Variants in PAM observed in about 807,000 individuals in gnomAD.
The protein encoded by PAM is peptidylglycine alpha-amidating monooxygenase.
A neutral mutation model predicts 122.1 loss-of-function variants in PAM; 72 were observed. The ratio of observed to expected loss-of-function variants is 0.59; its 90% CI spans 0.49 to 0.72. PAM has a LOEUF of 0.72. Among genes scored for constraint, PAM ranks in the 30% least tolerant of loss-of-function variants. The pLI, the probability that PAM is intolerant of heterozygous loss-of-function variation, is 0.00. For synonymous variants in PAM, 389 were observed against 404.4 expected (o/e 0.96, Z 0.46); for missense variants, 1,106 against 1,183.7 (o/e 0.93, Z 0.96).
rs139967351 is a variant in PAM at position 103,015,852 on chromosome 5, T to G, written c.2332-1482T>G. 5.4e-4 allele frequency among the ~76,000 whole-genome samples: 83 copies of G among 152,316 alleles called. No homozygotes were observed. The East Asian group carries it at 0.011, about 21-fold the overall frequency. On this transcript the variant is annotated intron_variant, in intron 21 of 25. Transcript: ENST00000438793. ...CCTTGAATTTATGACATATTGTGAT[T>G]TATTTAAAGCAAAGTTCTTAGCCAG...
intron 1 of PAM, among the ~76,000 whole-genome samples, chr5:102,795,851 C>T (rs1001732882): frequency 6.6e-6 from 1 of 152,180 alleles, no homozygotes; most frequent in Non-Finnish European, 1.5e-5. Context: ...TCTTTTCCAA[C>T]CTCATTATCA....
intron 1 of PAM, among the ~76,000 whole-genome samples, chr5:102,825,772 G>A (rs925525108): frequency 5.3e-5 from 8 of 152,128 alleles, no homozygotes; most frequent in East Asian, 1.9e-4. Flanking sequence ...GCTTGAGCCC[G>A]GAAGTTAAAG....
intron 1 of PAM, among the ~76,000 whole-genome samples, chr5:102,769,873 T>C (rs1389080430): frequency 6.6e-6 from 1 of 152,164 alleles, no homozygotes; most frequent in African/African-American, 2.4e-5. Flanking sequence ...GGATTTTTTT[T>C]CTCACTTCTA....
intron 1 of PAM, among the ~76,000 whole-genome samples, chr5:102,816,858 T>G (rs1410972344): frequency 2.0e-5 from 3 of 152,178 alleles, no homozygotes; most frequent in Non-Finnish European, 4.4e-5. Flanking sequence ...TAAATTCATA[T>G]TGCTGATTTG....
chr5:102,769,200 G>A (rs550716502), intron 1 of PAM, among the ~76,000 whole-genome samples: 1 of 152,032 alleles, frequency 6.6e-6, no homozygotes, highest in African/African-American at 2.4e-5. Flanking sequence ...TGGATTATCA[G>A]ATTTTTTTTT....
intron 1 of PAM, among the ~76,000 whole-genome samples, chr5:102,794,919 G>A (rs1271894148): frequency 6.6e-6 from 1 of 151,606 alleles, no homozygotes; most frequent in Non-Finnish European, 1.5e-5. Context: ...GCCAGGTGCG[G>A]TGGCTCACAC....
At chr5:102,875,467 T>A (rs1788867086) in intron 3 of PAM, among the ~76,000 whole-genome samples, 2 of 152,198 alleles carry the variant, frequency 1.3e-5, no homozygotes, top group South Asian at 2.1e-4. Flanking sequence ...GTGCTGGGAT[T>A]ACAGGTGTGG....
chr5:102,974,701 T>A (rs1448564008), intron 15 of PAM: 1 of 303,102 alleles, frequency 3.3e-6, no homozygotes, highest in African/African-American at 2.2e-5. Flanking sequence ...TTTGGATCAT[T>A]TGGGGAAAGG....
In PAM at chr5:102,926,668, G is replaced by A. The variant is rs767784777; in HGVS notation, c.526G>A (p.Asp176Asn). 5.2e-6 allele frequency: 8 copies of A among 1,542,204 alleles called. No individual in the cohort carries two copies. The highest frequency in any genetic ancestry group is 7.2e-6 in the Non-Finnish European group (8 of 1,115,410). ...CTATGGGGATATTAGTGCTTTTAGA[G>A]GTAAGTTTTGAAGTGTTGGAACTAA... ...VHYGDISAFR[D>N]NNKDCSGVSL... The change falls in exon 7 of 26, where the codon GAT becomes AAT. Residue 176 changes from aspartate (D) to asparagine (N), a missense_variant and splice_region_variant. Transcript: ENST00000438793.
At chr5:102,879,923 T>C (rs1790425614) in intron 3 of PAM, among the ~76,000 whole-genome samples, 1 of 152,156 alleles carries the variant, frequency 6.6e-6, no homozygotes, top group African/African-American at 2.4e-5. Flanking sequence ...GTAAGTACAC[T>C]CTGATGTTTG....
chr5:102,757,556 A>C (rs77947338), intron 1 of PAM, among the ~76,000 whole-genome samples: 4,365 of 152,304 alleles, frequency 0.029, 109 homozygotes, highest in East Asian at 0.13. Flanking sequence ...AAGCTATAGA[A>C]ATTTTAATTC....
chr5:102,846,587 C>G (rs1253529759), intron 1 of PAM, among the ~76,000 whole-genome samples: 5 of 152,038 alleles, frequency 3.3e-5, no homozygotes, highest in Non-Finnish European at 1.5e-5. Context: ...TAGAAACCCA[C>G]AAATAAAAAG....
In PAM at chr5:102,792,439, A is replaced by G. The variant is rs189039527; in HGVS notation, c.-374+37091A>G. Reference sequence around the variant, plus strand: ...TGTGTTTGTATAAAAAGCAGGTAGCAATTACATAAACTTTTTTCTTCTTTA... The same window carrying G: ...TGTGTTTGTATAAAAAGCAGGTAGCGATTACATAAACTTTTTTCTTCTTTA... On this transcript the variant is annotated intron_variant, in intron 1 of 25. Coordinates refer to ENST00000438793, the MANE Select transcript of PAM (RefSeq NM_001177306.2). Among the ~76,000 whole-genome samples the G allele has an allele frequency of 2.1e-3, 322 of 152,342 alleles. 3 individuals are homozygous for G. The highest frequency in any genetic ancestry group is 7.6e-3 in the African/African-American group (315 of 41,582).
chr5:102,796,950 C>T (rs958325270), intron 1 of PAM, among the ~76,000 whole-genome samples: 2 of 152,124 alleles, frequency 1.3e-5, no homozygotes, highest in Admixed American at 6.5e-5. Flanking sequence ...GCTAATGGAA[C>T]CTAATAATAG....
intron 1 of PAM, among the ~76,000 whole-genome samples, chr5:102,849,333 C>T (rs185596836): frequency 1.2e-4 from 18 of 152,086 alleles, no homozygotes; most frequent in South Asian, 2.1e-4. Flanking sequence ...CCAAGGCAGG[C>T]GGATCACGAG....
intron 21 of PAM, among the ~76,000 whole-genome samples, chr5:103,012,125 A>G (rs1259238802): frequency 3.3e-5 from 5 of 152,112 alleles, no homozygotes; most frequent in South Asian, 2.1e-4. Context: ...ATTTTTTACT[A>G]TAGAGTTGTT....
intron 1 of PAM, among the ~76,000 whole-genome samples, chr5:102,769,859 C>T (rs906104638): frequency 3.3e-5 from 5 of 151,888 alleles, no homozygotes; most frequent in African/African-American, 1.2e-4. Flanking sequence ...ACATATAAAT[C>T]TTAGGATTTT....
At position 102,837,988 on chromosome 5, in the gene PAM, C is replaced by T. The variant is rs147791598; in HGVS notation, c.-373-27835C>T. Among the ~76,000 whole-genome samples, 610 of 152,208 alleles carry T rather than the reference C, an allele frequency of 4.0e-3. 1 individual carries two copies. Among genetic ancestry groups the T allele is most frequent in the African/African-American group, 0.014 (594 of 41,556 alleles). On this transcript the variant is annotated intron_variant, in intron 1 of 25. Transcript: ENST00000438793. ...GCAAAAGTTTTAAACATCATTTTAACGTAACATTTAAAAAGTAATTTACAT... is the reference window on the plus strand; with the variant it reads ...GCAAAAGTTTTAAACATCATTTTAATGTAACATTTAAAAAGTAATTTACAT...
intron 10 of PAM, 40 bp downstream of exon 10, chr5:102,949,657 G>A (rs747633462): frequency 3.2e-6 from 3 of 940,714 alleles, no homozygotes; most frequent in Non-Finnish European, 5.2e-6. Context: ...ATTTACCATT[G>A]TGCTTCCTGG....
Sources: allele counts gnomAD v4.1 joint callset (sites outside exome capture counted in the v4.1 genomes callset), GRCh38; gene constraint gnomAD v4.1.1; transcripts MANE v1.5; gene names NCBI Gene and HGNC (gene_info 2026-07-23, HGNC 2026-07-21).